Variants in PSMA1 observed in about 807,000 individuals in gnomAD.
PSMA1 encodes proteasome 20S subunit alpha 1.
PSMA1 carries 3 observed loss-of-function variants against 38.4 expected under a neutral mutation model. That is an observed-to-expected ratio of 0.08 (90% confidence interval 0.04 to 0.20). PSMA1 has a LOEUF of 0.20. PSMA1 is among the 10% of genes least tolerant of loss of function. PSMA1 has a pLI of 1.00. For synonymous variants in PSMA1, 101 were observed against 107.1 expected (o/e 0.94, Z 0.35); for missense variants, 227 against 325.3 (o/e 0.70, Z 2.32).
In PSMA1 at chr11:14,534,377, T is replaced by C. The variant is rs1212425777; in HGVS notation, c.22-15336A>G. Among the ~76,000 whole-genome samples the C allele has an allele frequency of 2.0e-5, 3 of 152,266 alleles. No individual in the cohort carries two copies. The highest frequency in any genetic ancestry group is 4.8e-5 in the African/African-American group (2 of 41,476). On this transcript the variant is annotated intron_variant, in intron 2 of 10. Transcript: ENST00000418988. This position sits in a 1 kb window ranked among gnomAD's most constrained non-coding sequence, Gnocchi z 4.5. ...TGTATAGCTATAAGGTATTACATCATATAAATGTTTCATAATTTATTTGAC... is the reference window on the plus strand; with the variant it reads ...TGTATAGCTATAAGGTATTACATCACATAAATGTTTCATAATTTATTTGAC...
At chr11:14,593,613 TGAGAG>T (rs1291818256) in intron 2 of PSMA1, among the ~76,000 whole-genome samples, 3 of 98,912 alleles carry the variant, frequency 3.0e-5, no homozygotes, top group Non-Finnish European at 6.0e-5. Flanking sequence ...GGAGGAAAAA[TGAGAG>T]AGAGAGAGAG....
intron 1 of PSMA1, among the ~76,000 whole-genome samples, chr11:14,632,328 T>C (rs1303576483): frequency 2.0e-5 from 3 of 148,892 alleles, no homozygotes; most frequent in Non-Finnish European, 3.0e-5. Flanking sequence ...CCATGTTTAG[T>C]GCTTCCTTCA....
chr11:14,631,614 G>C (rs1309675171), intron 1 of PSMA1, among the ~76,000 whole-genome samples: 4 of 152,120 alleles, frequency 2.6e-5, no homozygotes, highest in Non-Finnish European at 4.4e-5. Context: ...AATAGGTGTG[G>C]TGTGGTGCTG....
At chr11:14,616,657 T>A (rs1326586423) in intron 1 of PSMA1, among the ~76,000 whole-genome samples, 1 of 152,092 alleles carries the variant, frequency 6.6e-6, no homozygotes, top group African/African-American at 2.4e-5. Context: ...TCTGGAGAAG[T>A]TATTTTGTAA....
intron 1 of PSMA1, among the ~76,000 whole-genome samples, chr11:14,622,671 T>C (rs1474989392): frequency 6.6e-6 from 1 of 152,182 alleles, no homozygotes; most frequent in East Asian, 1.9e-4. Context: ...TAGGCCTCTT[T>C]GGGTTCTGGA....
At chr11:14,523,805 A>C (rs1464319560), upstream of PSMA1, among the ~76,000 whole-genome samples, 1 of 149,058 alleles carries the variant, frequency 6.7e-6, no homozygotes, top group African/African-American at 2.5e-5. Context: ...TTGGTCTCAA[A>C]CTCCTGGACT....
At chr11:14,572,789 G>T (rs2597211) in intron 2 of PSMA1, among the ~76,000 whole-genome samples, 1 of 151,998 alleles carries the variant, frequency 6.6e-6, no homozygotes, top group Non-Finnish European at 1.5e-5. Flanking sequence ...AAGAAGAAAA[G>T]AGAGAAGAAT....
At chr11:14,572,722 A>C (rs560767002) in intron 2 of PSMA1, among the ~76,000 whole-genome samples, 32 of 152,202 alleles carry the variant, frequency 2.1e-4, no homozygotes, top group Non-Finnish European at 3.8e-4. Flanking sequence ...CAATGAATCC[A>C]GGAGCTGGTT....
chr11:14,601,361 T>C (rs1852578432), intron 2 of PSMA1, among the ~76,000 whole-genome samples: 1 of 152,162 alleles, frequency 6.6e-6, no homozygotes, highest in Admixed American at 6.5e-5. Flanking sequence ...TAAACTAAGT[T>C]CTAGCCTCCT....
intron 5 of PSMA1, 116 bp from the exon 6 acceptor site, chr11:14,514,003 A>G: frequency 7.3e-7 from 1 of 1,365,712 alleles, no homozygotes; most frequent in Non-Finnish European, 9.4e-7. Context: ...ATAATCCACC[A>G]GAGAAATAAT....
intron 2 of PSMA1, among the ~76,000 whole-genome samples, chr11:14,579,558 C>T (rs986993759): frequency 2.0e-5 from 3 of 146,392 alleles, no homozygotes; most frequent in Admixed American, 6.9e-5. Flanking sequence ...TGGACACATC[C>T]TTTTTGGGGC....
intron 2 of PSMA1, among the ~76,000 whole-genome samples, chr11:14,597,192 T>G (rs768737522): frequency 1.4e-4 from 22 of 152,220 alleles, no homozygotes; most frequent in Non-Finnish European, 3.1e-4. Context: ...TCAGGGATAT[T>G]GGTCTAAAAT....
intron 2 of PSMA1, among the ~76,000 whole-genome samples, chr11:14,601,117 C>T (rs1309608560): frequency 6.6e-6 from 1 of 152,130 alleles, no homozygotes; most frequent in Non-Finnish European, 1.5e-5. Flanking sequence ...AGGTGACTGC[C>T]AGTTGGCTAT....
At chr11:14,600,628 A>G (rs1047677477) in intron 2 of PSMA1, among the ~76,000 whole-genome samples, 2 of 152,114 alleles carry the variant, frequency 1.3e-5, no homozygotes, top group African/African-American at 4.8e-5. Flanking sequence ...GGAGTGTCCC[A>G]TTTTCCCAGG....
chr11:14,562,473 A>T lies in PSMA1; in HGVS notation c.22-43432T>A, dbSNP rs543196248. Reference sequence around the variant, plus strand: ...ATCTTTCCTAACATTTTCCTTTACCATACTGGCTCAGAACAGCTCCTTCAA... The same window carrying T: ...ATCTTTCCTAACATTTTCCTTTACCTTACTGGCTCAGAACAGCTCCTTCAA... On this transcript the variant is annotated intron_variant, in intron 2 of 10. Transcript: ENST00000418988. 8.5e-5 allele frequency among the ~76,000 whole-genome samples: 13 copies of T among 152,298 alleles called. No individual in the cohort carries two copies. The South Asian group carries it at 2.7e-3, about 32-fold the overall frequency.
intron 1 of PSMA1, among the ~76,000 whole-genome samples, chr11:14,638,527 CTCTCTCTCTCTCTCTCTCTATA>C (rs1441831628): frequency 4.0e-5 from 1 of 25,246 alleles, no homozygotes; most frequent in African/African-American, 1.6e-4. Flanking sequence ...CTCTCTCTCT[CTCTCTCTCTCTCTCTCTCTATA>C]TATATATATA....
intron 2 of PSMA1, among the ~76,000 whole-genome samples, chr11:14,573,878 G>A (rs1035358411): frequency 5.3e-5 from 8 of 152,116 alleles, no homozygotes; most frequent in Admixed American, 1.3e-4. Flanking sequence ...AGAGCCTGGC[G>A]GTAGTGTGCC....
At chr11:14,577,074 C>G (rs542811718) in intron 2 of PSMA1, among the ~76,000 whole-genome samples, 1 of 152,222 alleles carries the variant, frequency 6.6e-6, no homozygotes, top group South Asian at 2.1e-4. Context: ...TGATTTGGCT[C>G]TCTGTTTGTC....
intron 2 of PSMA1, among the ~76,000 whole-genome samples, chr11:14,540,483 C>T (rs1228204155): frequency 1.3e-5 from 2 of 152,132 alleles, no homozygotes; most frequent in Non-Finnish European, 2.9e-5. Context: ...ATCAAAAAAG[C>T]CCTTCATTTC....
Sources: allele counts gnomAD v4.1 joint callset (sites outside exome capture counted in the v4.1 genomes callset), GRCh38; gene constraint gnomAD v4.1.1; non-coding constraint Gnocchi (gnomAD v3.1); transcripts MANE v1.5; gene names NCBI Gene and HGNC (gene_info 2026-07-23, HGNC 2026-07-21).